The following PPP1R1C variants were observed in gnomAD, a reference collection of about 807,000 sequenced individuals.
PPP1R1C encodes the protein protein phosphatase 1 regulatory inhibitor subunit 1C.
Under a neutral mutation model 17.4 loss-of-function variants are expected in PPP1R1C, and 15 were observed. That is an observed-to-expected ratio of 0.86 (90% CI 0.58 to 1.33). The LOEUF (loss-of-function observed/expected upper bound fraction) is 1.33. Among genes scored for constraint, PPP1R1C ranks in the 40% most tolerant of loss-of-function variants. The probability of loss-of-function intolerance (pLI) is 0.00; values close to 1 mark genes in which losing one functional copy is unlikely to be tolerated. For synonymous variants in PPP1R1C, 35 were observed against 43.1 expected (o/e 0.81, Z 0.73); for missense variants, 143 against 130.0 (o/e 1.10, Z -0.48).
intron 4 of PPP1R1C, among the ~76,000 whole-genome samples, chr2:182,103,176 A>C (rs577280543): frequency 6.6e-6 from 1 of 152,360 alleles, no homozygotes; most frequent in Admixed American, 6.5e-5. Context: ...TTATTTAAAA[A>C]AAAATCTCAA....
At chr2:182,068,195 A>G (rs555272712) in intron 4 of PPP1R1C, among the ~76,000 whole-genome samples, 24 of 152,304 alleles carry the variant, frequency 1.6e-4, no homozygotes, top group African/African-American at 5.8e-4. Context: ...CACTTCTCTC[A>G]TGGGGAAAAT....
chr2:182,041,165 T>G (rs568998600), intron 2 of PPP1R1C, among the ~76,000 whole-genome samples: 1 of 152,290 alleles, frequency 6.6e-6, no homozygotes, highest in Non-Finnish European at 1.5e-5. Flanking sequence ...ATTTTAGGGT[T>G]GTTGTTTTCT....
chr2:181,994,375 A>T (rs533263235), intron 2 of PPP1R1C, among the ~76,000 whole-genome samples: 17 of 152,268 alleles, frequency 1.1e-4, no homozygotes, highest in African/African-American at 4.1e-4. Context: ...CTCAATTTTC[A>T]TTCCACTCCA....
chr2:182,028,971 CTTCT>C (rs1198030689), intron 2 of PPP1R1C, among the ~76,000 whole-genome samples: 1 of 134,298 alleles, frequency 7.4e-6, no homozygotes, highest in African/African-American at 2.8e-5. Context: ...ATGTAATGGC[CTTCT>C]TTGTCTCTTT....
chr2:182,000,332 G>T (rs1232048215), intron 2 of PPP1R1C, among the ~76,000 whole-genome samples: 1 of 152,098 alleles, frequency 6.6e-6, no homozygotes, highest in African/African-American at 2.4e-5. Context: ...AAAGGTGATT[G>T]TTGGGTAGGA....
chr2:181,965,498 T>G (rs571579775), intron 1 of PPP1R1C, among the ~76,000 whole-genome samples: 1 of 152,346 alleles, frequency 6.6e-6, no homozygotes, highest in African/African-American at 2.4e-5. Context: ...AGGGGTCAAG[T>G]TTCATTCTTC....
upstream of PPP1R1C, among the ~76,000 whole-genome samples, chr2:181,984,627 A>G (rs1275624067): frequency 1.3e-5 from 2 of 152,242 alleles, no homozygotes; most frequent in African/African-American, 4.8e-5. Context: ...AAACTACTTC[A>G]ATAATGCATA....
At position 181,986,088 on chromosome 2, in the gene PPP1R1C, T is replaced by C; in HGVS notation, c.-23T>C. On this transcript the variant is annotated 5_prime_UTR_variant, in exon 1 of 5. Coordinates refer to ENST00000682840, the MANE Select transcript of PPP1R1C (RefSeq NM_001080545.3). ...TTAGTCTTTCTGAGCTCTTCACATC[T>C]CTGACTAATTATCATCATTACCATG... The C allele has an allele frequency of 6.3e-7, 1 of 1,599,512 alleles. No homozygotes were observed. The highest frequency in any genetic ancestry group is 8.6e-7 in the Non-Finnish European group (1 of 1,166,678).
intron 2 of PPP1R1C, among the ~76,000 whole-genome samples, chr2:181,997,266 A>G (rs893719486): frequency 6.6e-6 from 1 of 152,010 alleles, no homozygotes; most frequent in Admixed American, 6.5e-5. Context: ...CATATACACA[A>G]ATATTTACAT....
rs200654929 is a variant in PPP1R1C at position 182,090,327 on chromosome 2, CAGAG to C, written c.241+26539_241+26542del. On this transcript the variant is annotated intron_variant, in intron 4 of 4. Transcript: ENST00000682840. ...TGTGTGTGTGTGTGTCAGAGAGAGACAGAGAGCAAGAGAGAAAAACTGAGAGAGA... is the reference window on the plus strand; with the variant it reads ...TGTGTGTGTGTGTGTCAGAGAGAGACAGCAAGAGAGAAAAACTGAGAGAGA... Among the ~76,000 whole-genome samples the C allele has an allele frequency of 1.9e-4, 22 of 118,374 alleles. No homozygotes were observed. The East Asian group carries it at 5.5e-3, about 29-fold the overall frequency. 77.7% of individuals were successfully genotyped at this position (118,374 alleles called of 152,430 possible).
intron 1 of PPP1R1C, among the ~76,000 whole-genome samples, chr2:181,959,570 C>G (rs1187050970): frequency 6.6e-6 from 1 of 152,078 alleles, no homozygotes; most frequent in Non-Finnish European, 1.5e-5. Context: ...AAAATTAAGA[C>G]ATTCCAGCAA....
intron 2 of PPP1R1C, among the ~76,000 whole-genome samples, chr2:182,060,167 G>A (rs1305583394): frequency 6.8e-6 from 1 of 146,706 alleles, no homozygotes; most frequent in Non-Finnish European, 1.5e-5. Flanking sequence ...CTTATATAAA[G>A]AAAGTACAAT....
chr2:182,099,830 C>G (rs976009547), intron 4 of PPP1R1C, among the ~76,000 whole-genome samples: 10 of 152,248 alleles, frequency 6.6e-5, no homozygotes, highest in Admixed American at 6.5e-4. Context: ...GCTGACTGAC[C>G]ATAAATGCTT....
intron 1 of PPP1R1C, among the ~76,000 whole-genome samples, chr2:181,959,071 A>G (rs141608024): frequency 1.3e-5 from 2 of 152,228 alleles, no homozygotes; most frequent in African/African-American, 4.8e-5. Flanking sequence ...TCCCAAAGTG[A>G]TTATAGCATT....
In PPP1R1C at chr2:181,992,635, G is replaced by A. The variant is rs569226006; in HGVS notation, c.142+4736G>A. Among the ~76,000 whole-genome samples, 4 of 134,794 alleles carry A rather than the reference G, an allele frequency of 3.0e-5. 1 individual carries two copies. The highest frequency in any genetic ancestry group is 1.1e-4 in the African/African-American group (4 of 36,200). The allele number at this position is 134,794 out of a possible 152,430, so 88.4% of individuals were successfully genotyped here. ...TGGGTAAGTACCCAGGAGTTTTGAC[G>A]TCATTTAAAAGCTCACTGTACATCT... On this transcript the variant is annotated intron_variant, in intron 2 of 4. Transcript: ENST00000682840.
At chr2:182,030,690 G>A (rs535817223) in intron 2 of PPP1R1C, among the ~76,000 whole-genome samples, 2 of 149,974 alleles carry the variant, frequency 1.3e-5, no homozygotes, top group South Asian at 4.3e-4. Context: ...TGCCCCCAGA[G>A]GTGGAGCCTA....
chr2:182,085,585 A>G (rs1285985234), intron 4 of PPP1R1C, among the ~76,000 whole-genome samples: 2 of 152,124 alleles, frequency 1.3e-5, no homozygotes, highest in African/African-American at 4.8e-5. Context: ...ACAAAATGGG[A>G]AATGTCTTAT....
chr2:182,002,444 A>T (rs945014796), intron 2 of PPP1R1C, among the ~76,000 whole-genome samples: 3 of 152,092 alleles, frequency 2.0e-5, no homozygotes, highest in Non-Finnish European at 2.9e-5. Flanking sequence ...ATATATGTAA[A>T]CTGAAACAAA....
chr2:182,028,465 A>T (rs1331617229), intron 2 of PPP1R1C, among the ~76,000 whole-genome samples: 6 of 152,124 alleles, frequency 3.9e-5, no homozygotes, highest in Non-Finnish European at 8.8e-5. Context: ...TCATTTCATT[A>T]TGTATCCAGT....
Sources: allele counts gnomAD v4.1 joint callset (sites outside exome capture counted in the v4.1 genomes callset), GRCh38; gene constraint gnomAD v4.1.1; transcripts MANE v1.5; gene names NCBI Gene and HGNC (gene_info 2026-07-23, HGNC 2026-07-21).